Variants in TFAP2D observed in about 807,000 individuals in gnomAD.
The protein encoded by TFAP2D is transcription factor AP-2 delta.
Under a neutral mutation model 43.6 loss-of-function variants are expected in TFAP2D, and 9 were observed. The ratio of observed to expected loss-of-function variants is 0.21; its 90% CI spans 0.12 to 0.36. TFAP2D has a LOEUF of 0.36. TFAP2D is among the 10% of genes least tolerant of loss of function. TFAP2D has a pLI of 1.00. For missense variants in TFAP2D, 513 were observed against 561.4 expected (o/e 0.91, Z 0.87); for synonymous variants, 256 against 224.9 (o/e 1.14, Z -1.24).
intron 5 of TFAP2D, among the ~76,000 whole-genome samples, chr6:50,743,571 G>T (rs902869430): frequency 6.6e-6 from 1 of 152,016 alleles, no homozygotes; most frequent in South Asian, 2.1e-4. Context: ...TTGTAGAGAT[G>T]ATGGGGTCTT....
rs1768849409 is a variant in TFAP2D, at chr6:50,729,224, G to A, written c.795G>A (p.Leu265=). The A allele has an allele frequency of 1.4e-5, 22 of 1,613,986 alleles. No homozygotes were observed. The highest frequency in any genetic ancestry group is 1.9e-5 in the Non-Finnish European group (22 of 1,179,880). The part of the protein sequence containing the change: ...RAKSKNGGRC[L]REKLDRLGLN... ...AATCAAAGAATGGGGGCCGCTGCCT[G>A]AGAGAGAAATTGGATAGGCTTGGCT... Residue 265 remains leucine (L), a synonymous_variant, in exon 5 of 8, where the codon CTG becomes CTA. Transcript: ENST00000008391.
intron 5 of TFAP2D, among the ~76,000 whole-genome samples, chr6:50,730,577 T>C (rs1353635807): frequency 6.6e-6 from 1 of 152,014 alleles, no homozygotes; most frequent in African/African-American, 2.4e-5. Flanking sequence ...TAAGTAAAAA[T>C]GTGGGTTAAA....
chr6:50,719,447 GAGAAAGAAAGAAAGAA>G (rs531796279), intron 3 of TFAP2D, among the ~76,000 whole-genome samples: 99 of 131,782 alleles, frequency 7.5e-4, no homozygotes, highest in African/African-American at 1.8e-3. Flanking sequence ...AAAAGACAGA[GAGAAAGAAAGAAAGAA>G]AGAAAGAAAG....
At chr6:50,716,265 G>A (rs1269271069) in intron 2 of TFAP2D, among the ~76,000 whole-genome samples, 1 of 152,176 alleles carries the variant, frequency 6.6e-6, no homozygotes, top group East Asian at 1.9e-4. Context: ...CACTTTGCCA[G>A]GGTGTAGGGT....
At chr6:50,748,655 A>T (rs564675726) in intron 6 of TFAP2D, among the ~76,000 whole-genome samples, 2 of 152,046 alleles carry the variant, frequency 1.3e-5, no homozygotes, top group African/African-American at 2.4e-5. Flanking sequence ...AGAAACTGAA[A>T]CATTTTTTGA....
intron 3 of TFAP2D, among the ~76,000 whole-genome samples, chr6:50,724,260 C>A (rs765652631): frequency 2.6e-4 from 39 of 151,814 alleles, no homozygotes; most frequent in Non-Finnish European, 7.4e-5. Flanking sequence ...CTCTTGTAAT[C>A]GCTTACACAT....
At chr6:50,725,663 C>T (rs1317724753) in intron 3 of TFAP2D, among the ~76,000 whole-genome samples, 2 of 152,164 alleles carry the variant, frequency 1.3e-5, no homozygotes, top group African/African-American at 2.4e-5. Context: ...CGTTTCATAA[C>T]ATTCTTCTTT....
chr6:50,722,369 T>C (rs958893155), intron 3 of TFAP2D, among the ~76,000 whole-genome samples: 1 of 152,216 alleles, frequency 6.6e-6, no homozygotes, highest in Non-Finnish European at 1.5e-5. Flanking sequence ...ATCATATTAA[T>C]GTTGTACGTA....
intron 7 of TFAP2D, among the ~76,000 whole-genome samples, chr6:50,757,467 T>C (rs1227080338): frequency 2.7e-4 from 30 of 111,082 alleles, no homozygotes; most frequent in South Asian, 7.9e-4. Flanking sequence ...ATATATAATA[T>C]ATATAATTAT....
intron 4 of TFAP2D, 81 bp downstream of exon 4, chr6:50,729,102 C>G: frequency 6.2e-7 from 1 of 1,600,992 alleles, no homozygotes. Context: ...TGTCTTCCAT[C>G]TGATAGTGTA....
chr6:50,718,272 T>C (rs1365347243), intron 2 of TFAP2D: 1 of 151,948 alleles, frequency 6.6e-6, no homozygotes, highest in Non-Finnish European at 1.5e-5. Context: ...GTTGTAAAGG[T>C]TGTTTTGTAA....
rs114415101 is a variant in TFAP2D, at chr6:50,755,832, A to G, written c.1139+4508A>G. ...AAAAATATTCTACATTGATGATTCT[A>G]CTAATAATCTGGGTAAACATGTGTT... is the stretch of plus-strand genomic sequence containing the variant. On this transcript the variant is annotated intron_variant, in intron 7 of 7. Transcript: ENST00000008391. Among the ~76,000 whole-genome samples, 1,131 of 152,100 alleles carry G rather than the reference A, an allele frequency of 7.4e-3. 16 individuals carry two copies. Among genetic ancestry groups the G allele is most frequent in the African/African-American group, 0.026 (1,072 of 41,532 alleles).
In TFAP2D at chr6:50,714,031, T is replaced by A. The variant is rs748457017; in HGVS notation, c.-25T>A. The A allele has an allele frequency of 6.2e-7, 1 of 1,613,014 alleles. No individual in the cohort carries two copies. Among genetic ancestry groups the A allele is most frequent in the Admixed American group, 1.7e-5 (1 of 59,846 alleles). On this transcript the variant is annotated 5_prime_UTR_variant, in exon 1 of 8. Coordinates refer to ENST00000008391, the MANE Select transcript of TFAP2D (RefSeq NM_172238.4). ...TCTTTTTTTGGAGGGGGAAATTGCA[T>A]CGTAAGCTTTCGGAGAAACCCAACA...
At chr6:50,759,259 A>G (rs1188918402) in intron 7 of TFAP2D, among the ~76,000 whole-genome samples, 3 of 152,004 alleles carry the variant, frequency 2.0e-5, no homozygotes, top group Admixed American at 6.6e-5. Flanking sequence ...GGTGGGAAGC[A>G]CTTGGAATTA....
intron 3 of TFAP2D, among the ~76,000 whole-genome samples, chr6:50,723,529 A>G (rs1768762432): frequency 6.6e-6 from 1 of 152,208 alleles, no homozygotes; most frequent in Non-Finnish European, 1.5e-5. Context: ...TCTATGGTTC[A>G]TCCATTATGG....
Position 50,715,607 on chromosome 6 carries a change from C to A in TFAP2D, c.531C>A (p.Asp177Glu), listed in dbSNP as rs752563955. 6.3e-6 allele frequency: 10 copies of A among 1,592,516 alleles called. No homozygotes were observed. In the African/African-American group the frequency reaches 1.3e-4, roughly 21 times the overall value. Residue 177 changes from aspartate to glutamate, a missense_variant, in exon 2 of 8, where the codon GAC becomes GAA. Asp to Glu is a conservative substitution (Grantham distance 45). Coordinates refer to ENST00000008391, the MANE Select transcript of TFAP2D (RefSeq NM_172238.4). ...SLGLAAAGAD[D>E]LQGSVEAQCG... ...GGCTGGCCGCCGCGGGAGCAGACGA[C>A]TTGCAGGTAAATAAGCATGCAGCGA...
At chr6:50,744,796 G>C (rs1248603220) in intron 5 of TFAP2D, among the ~76,000 whole-genome samples, 1 of 152,036 alleles carries the variant, frequency 6.6e-6, no homozygotes, top group Non-Finnish European at 1.5e-5. Flanking sequence ...GTAAAACCTA[G>C]GAAGTCAGTC....
intron 2 of TFAP2D, chr6:50,717,936 C>T (rs1452595408): frequency 6.6e-6 from 1 of 152,196 alleles, no homozygotes; most frequent in Non-Finnish European, 1.5e-5. Flanking sequence ...ATATACTTTT[C>T]CCTGCACAGA....
At chr6:50,730,225 T>C (rs1208694310) in intron 5 of TFAP2D, among the ~76,000 whole-genome samples, 1 of 152,156 alleles carries the variant, frequency 6.6e-6, no homozygotes, top group Non-Finnish European at 1.5e-5. Context: ...AGATTTTCAA[T>C]ACGTAGCATT....
Sources: gnomAD v4.1 joint callset for allele counts (sites outside exome capture counted in the v4.1 genomes callset) on GRCh38, gnomAD v4.1.1 for gene constraint, MANE v1.5 for transcripts, NCBI Gene and HGNC (gene_info 2026-07-23, HGNC 2026-07-21) for gene names.